Variants in PAPOLB observed in about 807,000 individuals in gnomAD.
The protein encoded by PAPOLB is poly(A) polymerase beta.
Under a neutral mutation model 23.2 loss-of-function variants are expected in PAPOLB, and 19 were observed. The observed-to-expected ratio is 0.82, with a 90% CI of 0.57 to 1.20. PAPOLB has a LOEUF of 1.20. Among genes scored for constraint, PAPOLB ranks in the 50% most tolerant of loss-of-function variants. The probability of loss-of-function intolerance (pLI) is 0.00; values close to 1 mark genes in which losing one functional copy is unlikely to be tolerated. For missense variants in PAPOLB, 822 were observed against 776.8 expected, an observed-to-expected ratio of 1.06 and a Z score of -0.69; for synonymous variants, 360 against 290.7, an observed-to-expected ratio of 1.24 and a Z score of -2.43.
At position 4,861,834 on chromosome 7, in the gene PAPOLB, G is replaced by GCACGTCTCCCACCACCGCGACCTT; in HGVS notation, c.-25_-24insAAGGTCGCGGTGGTGGGAGACGTG. 2 of 1,268,420 alleles carry GCACGTCTCCCACCACCGCGACCTT rather than the reference G, an allele frequency of 1.6e-6. No homozygotes were observed. Among genetic ancestry groups the GCACGTCTCCCACCACCGCGACCTT allele is most frequent in the Non-Finnish European group, 2.1e-6 (2 of 972,360 alleles). The allele number at this position is 1,268,420 out of a possible 1,614,324, so 78.6% of individuals were successfully genotyped here. ...ATCTTTCAGCGCCCGCCCCGCCAGG[G>GCACGTCTCCCACCACCGCGACCTT]CACGTCCCCCACCACCGCGACCTTC... On this transcript the variant is annotated 5_prime_UTR_variant, in exon 1 of 1. Coordinates refer to ENST00000404991, the MANE Select transcript of PAPOLB (RefSeq NM_020144.5).
rs375543559 is a variant in PAPOLB, at chr7:4,861,285, G to A, written c.526C>T (p.Leu176=). Residue 176 remains leucine, a synonymous_variant, in exon 1 of 1, where the codon CTA becomes TTA. Transcript: ENST00000404991. Reference sequence around the variant, plus strand: ...TCCAAATCTTCTGGAATAGTCTGTAGTGCTAATCTTGCAAATAAAATATCA... The same window carrying A: ...TCCAAATCTTCTGGAATAGTCTGTAATGCTAATCTTGCAAATAAAATATCA... The part of the protein sequence containing the change: ...EIDILFARLA[L]QTIPEDLDLR... The A allele has an allele frequency of 1.9e-6, 3 of 1,613,998 alleles. No homozygotes were observed. The African/African-American group carries it at 4.0e-5, about 22-fold the overall frequency.
chr7:4,860,651 T>G lies in PAPOLB; in HGVS notation c.1160A>C (p.Gln387Pro). ...VLLASASTEKQHLEWVGLVES... is the reference protein window; with the variant it reads ...VLLASASTEKPHLEWVGLVES... ...CACCAAGCCCACCCATTCTAAATGT[T>G]GTTTTTCTGTTGATGCACTTGCCAG... Residue 387 changes from glutamine (Q) to proline (P), a missense_variant, in exon 1 of 1, where the codon CAA becomes CCA. Physicochemically the swap from Gln to Pro is moderately conservative, Grantham distance 76 (BLOSUM62 -1). Coordinates refer to ENST00000404991, the MANE Select transcript of PAPOLB (RefSeq NM_020144.5). The G allele has an allele frequency of 6.2e-7, 1 of 1,614,206 alleles. No individual in the cohort carries two copies. Among genetic ancestry groups the G allele is most frequent in the South Asian group, 1.1e-5 (1 of 91,088 alleles).
chr7:4,860,122 C>A lies in PAPOLB; in HGVS notation c.1689G>T (p.Met563Ile). 12 of 1,613,980 alleles carry A rather than the reference C, an allele frequency of 7.4e-6. No homozygotes were observed. The highest frequency in any genetic ancestry group is 1.0e-5 in the Non-Finnish European group (12 of 1,179,840). Residue 563 changes from methionine (M) to isoleucine (I), a missense_variant, in exon 1 of 1, where the codon ATG (methionine) becomes ATT (isoleucine). Met to Ile is a conservative substitution (Grantham distance 10). This residue lies in a region of PAPOLB where 534 missense variants were observed against 502.8 expected (regional missense o/e 1.06). Coordinates refer to ENST00000404991, the MANE Select transcript of PAPOLB (RefSeq NM_020144.5). ...QGRNSPALAV[M>I]TASVANIQAT... is the part of the protein sequence containing the mutation. ...CCTGTATGTTAGCCACAGATGCTGTCATTACAGCCAAGGCAGGACTGTTTC... is the reference window on the plus strand; with the variant it reads ...CCTGTATGTTAGCCACAGATGCTGTAATTACAGCCAAGGCAGGACTGTTTC...
rs1381241960 is a variant in PAPOLB at position 4,860,737 on chromosome 7, C to T, written c.1074G>A (p.Glu358=). 6.2e-7 allele frequency: 1 copy of T among 1,614,026 alleles called. No homozygotes were observed. The highest frequency in any genetic ancestry group is 8.5e-7 in the Non-Finnish European group (1 of 1,179,994). The part of the protein sequence containing the change: ...ITHEILLSKA[E]WSKLFEAPSF... Reference sequence around the variant, plus strand: ...TTGGAGCTTCAAAGAGTTTGGACCACTCTGCCTTACTTAGCAAAATCTCGT... The same window carrying T: ...TTGGAGCTTCAAAGAGTTTGGACCATTCTGCCTTACTTAGCAAAATCTCGT... Residue 358 remains glutamate (E), a synonymous_variant, in exon 1 of 1, where the codon GAG becomes GAA. Coordinates refer to ENST00000404991, the MANE Select transcript of PAPOLB (RefSeq NM_020144.5).
Position 4,860,299 on chromosome 7 carries a change from C to A in PAPOLB, c.1512G>T (p.Gln504His). The part of the protein sequence containing the change: ...LHQLLPHHVL[Q>H]DKKAHSTEGR... ...CTTCTGTTGAGTGTGCTTTCTTGTC[C>A]TGAAGCACATGATGAGGCAGCAGCT... is the stretch of plus-strand genomic sequence containing the variant. Residue 504 changes from glutamine (Q) to histidine (H), a missense_variant, in exon 1 of 1, where the codon CAG becomes CAT. This residue lies in a region of PAPOLB where 534 missense variants were observed against 502.8 expected (regional missense o/e 1.06). Transcript: ENST00000404991. 1 of 1,613,968 alleles carries A rather than the reference C, an allele frequency of 6.2e-7. No homozygotes were observed. The highest frequency in any genetic ancestry group is 8.5e-7 in the Non-Finnish European group (1 of 1,179,878).
chr7:4,860,432 T>A lies in PAPOLB; in HGVS notation c.1379A>T (p.Asp460Val), dbSNP rs748076441. 2 of 1,614,206 alleles carry A rather than the reference T, an allele frequency of 1.2e-6. No individual in the cohort carries two copies. The highest frequency in any genetic ancestry group is 1.1e-5 in the South Asian group (1 of 91,088). The part of the protein sequence containing the change: ...SEILSIDLTY[D>V]IQSFTDTVYR... ...AACAGTATCTGTGAAAGACTGGATATCATAGGTGAGATCAATGCTGAGAAT... is the reference window on the plus strand; with the variant it reads ...AACAGTATCTGTGAAAGACTGGATAACATAGGTGAGATCAATGCTGAGAAT... Residue 460 changes from aspartate to valine, a missense_variant, in exon 1 of 1, where the codon GAT (aspartate) becomes GTT (valine). Physicochemically the swap from Asp to Val is radical, Grantham distance 152. Transcript: ENST00000404991.
rs746563809 is a variant in PAPOLB at position 4,861,504 on chromosome 7, A to T, written c.307T>A (p.Ser103Thr). ...TTCGTATGTACTCCTAATCTGTAAG[A>T]GCCAAACGTAAAAATCTTTCCTCCA... ...NVGGKIFTFG[S>T]YRLGVHTKGA... The change falls in exon 1 of 1, where the codon TCT (serine) becomes ACT (threonine). Residue 103 changes from serine (S) to threonine (T), a missense_variant. Around this residue, in one of 3 missense-constraint regions of PAPOLB, gnomAD observed 276 missense variants for 243.9 expected, o/e 1.13. Coordinates refer to ENST00000404991, the MANE Select transcript of PAPOLB (RefSeq NM_020144.5). 7 of 1,613,952 alleles carry T rather than the reference A, an allele frequency of 4.3e-6. No homozygotes were observed. The highest frequency in any genetic ancestry group is 5.9e-6 in the Non-Finnish European group (7 of 1,179,918).
In PAPOLB at chr7:4,861,961, A is replaced by G. The variant is rs1320428225; in HGVS notation, c.-151T>C. On this transcript the variant is annotated 5_prime_UTR_variant, in exon 1 of 1. It removes the in-frame stop codon of an upstream open reading frame in the 5' UTR. Transcript: ENST00000404991. ...ACTCCCGCTGCGCGCCCGCCGCTTCAGGAGCTTCTCCTCCTTCCCCTCAGC... is the reference window on the plus strand; with the variant it reads ...ACTCCCGCTGCGCGCCCGCCGCTTCGGGAGCTTCTCCTCCTTCCCCTCAGC... 8 of 472,882 alleles carry G rather than the reference A, an allele frequency of 1.7e-5. No homozygotes were observed. The highest frequency in any genetic ancestry group is 2.9e-5 in the Non-Finnish European group (8 of 272,640). 29.3% of individuals were successfully genotyped at this position (472,882 alleles called of 1,614,324 possible). A position where few individuals can be genotyped will look rare whatever the true frequency, so the allele number is the denominator to read the frequency against.
In PAPOLB at chr7:4,861,234, T is replaced by G; in HGVS notation, c.577A>C (p.Asn193His). 6.2e-7 allele frequency: 1 copy of G among 1,614,152 alleles called. No individual in the cohort carries two copies. Among genetic ancestry groups the G allele is most frequent in the Non-Finnish European group, 8.5e-7 (1 of 1,179,978 alleles). ...LDLRDDSLLK[N>H]LDIRCIRSLN... is the part of the protein sequence containing the mutation. Reference sequence around the variant, plus strand: ...CTTCTTATGCATCTAATGTCTAAATTTTTAAGTAGACTGTCATCTCTTAAG... The same window carrying G: ...CTTCTTATGCATCTAATGTCTAAATGTTTAAGTAGACTGTCATCTCTTAAG... Residue 193 changes from asparagine (N) to histidine (H), a missense_variant, in exon 1 of 1, where the codon AAT (asparagine) becomes CAT (histidine). Coordinates refer to ENST00000404991, the MANE Select transcript of PAPOLB (RefSeq NM_020144.5).
At position 4,861,834 on chromosome 7, in the gene PAPOLB, G is replaced by GCATGTCCCCCACCACCGCGACCTT; in HGVS notation, c.-25_-24insAAGGTCGCGGTGGTGGGGGACATG. On this transcript the variant is annotated 5_prime_UTR_variant, in exon 1 of 1. The change creates a new upstream start codon in the 5' untranslated region. Coordinates refer to ENST00000404991, the MANE Select transcript of PAPOLB (RefSeq NM_020144.5). Reference sequence around the variant, plus strand: ...ATCTTTCAGCGCCCGCCCCGCCAGGGCACGTCCCCCACCACCGCGACCTTC... The same window carrying GCATGTCCCCCACCACCGCGACCTT: ...ATCTTTCAGCGCCCGCCCCGCCAGGGCATGTCCCCCACCACCGCGACCTTCACGTCCCCCACCACCGCGACCTTC... The GCATGTCCCCCACCACCGCGACCTT allele has an allele frequency of 3.2e-6, 4 of 1,268,408 alleles. No homozygotes were observed. Among genetic ancestry groups the GCATGTCCCCCACCACCGCGACCTT allele is most frequent in the South Asian group, 2.1e-5 (1 of 46,730 alleles). 78.6% of individuals were successfully genotyped at this position (1,268,408 alleles called of 1,614,324 possible).
rs774929576 is a variant in PAPOLB, at chr7:4,860,913, C to A, written c.898G>T (p.Val300Leu). Residue 300 changes from valine (V) to leucine (L), a missense_variant, in exon 1 of 1, where the codon GTA becomes TTA. Transcript: ENST00000404991. Reference protein sequence around the residue: ...EPEERNLNLPVWDPRVNPSDR... With the variant: ...EPEERNLNLPLWDPRVNPSDR... ...CTGGGATTTACTCTTGGGTCCCATA[C>A]AGGCAAATTAAGATTCCGTTCTTCA... 2.8e-5 allele frequency: 46 copies of A among 1,614,082 alleles called. No homozygotes were observed. Among genetic ancestry groups the A allele is most frequent in the Non-Finnish European group, 3.9e-5 (46 of 1,180,048 alleles).
At position 4,860,870 on chromosome 7, in the gene PAPOLB, A is replaced by C. The variant is rs1235265608; in HGVS notation, c.941T>G (p.Met314Arg). 4 of 1,614,080 alleles carry C rather than the reference A, an allele frequency of 2.5e-6. No homozygotes were observed. In the African/African-American group the frequency reaches 5.3e-5, roughly 22 times the overall value. Reference sequence around the variant, plus strand: ...TGGGTATGCTGGTGTGATGATAGGCATAAGATGGTACCTATCACTGGGATT... The same window carrying C: ...TGGGTATGCTGGTGTGATGATAGGCCTAAGATGGTACCTATCACTGGGATT... ...RVNPSDRYHLMPIITPAYPQQ... is the reference protein window; with the variant it reads ...RVNPSDRYHLRPIITPAYPQQ... The change falls in exon 1 of 1, where the codon ATG (methionine) becomes AGG (arginine). Residue 314 changes from methionine to arginine, a missense_variant. Around this residue, in one of 3 missense-constraint regions of PAPOLB, gnomAD observed 534 missense variants for 502.8 expected, o/e 1.06. Transcript: ENST00000404991.
Position 4,861,466 on chromosome 7 carries a change from A to G in PAPOLB, c.345T>C (p.Ile115=). Reference sequence around the variant, plus strand: ...GACTTGGTGCAACGCACAAGGCGTCAATATCTGCGCCTTTCGTATGTACTC... The same window carrying G: ...GACTTGGTGCAACGCACAAGGCGTCGATATCTGCGCCTTTCGTATGTACTC... ...RLGVHTKGAD[I]DALCVAPSHV... The change falls in exon 1 of 1, where the codon ATT becomes ATC. Residue 115 remains isoleucine, a synonymous_variant. Transcript: ENST00000404991. The G allele has an allele frequency of 6.2e-7, 1 of 1,614,084 alleles. No homozygotes were observed. Among genetic ancestry groups the G allele is most frequent in the Non-Finnish European group, 8.5e-7 (1 of 1,179,922 alleles).
rs561623736 is a variant in PAPOLB at position 4,858,181 on chromosome 7, G to C, written c.*1716C>G. 1.4e-4 allele frequency: 22 copies of C among 152,316 alleles called. No individual in the cohort carries two copies. The highest frequency in any genetic ancestry group is 4.8e-4 in the African/African-American group (20 of 41,570). 9.4% of individuals were successfully genotyped at this position (152,316 alleles called of 1,614,324 possible). On this transcript the variant is annotated 3_prime_UTR_variant, in exon 1 of 1. Transcript: ENST00000404991. ...AAGAAAAGTCTCTACAGCATAAAAG[G>C]ACATGACTATATTCCAACTTTGGAA...
rs528143281 is a variant in PAPOLB, at chr7:4,860,992, G to T, written c.819C>A (p.Phe273Leu). ...NAVASTLVRK[F>L]FLVFSEWEWP... ...ATTCCCATTCTGAAAATACCAAGAA[G>T]AATTTCCGTACAAGAGTTGACGCTA... Residue 273 changes from phenylalanine (F) to leucine (L), a missense_variant, in exon 1 of 1, where the codon TTC becomes TTA. Transcript: ENST00000404991. The T allele has an allele frequency of 3.2e-5, 52 of 1,614,066 alleles. No individual in the cohort carries two copies. Among genetic ancestry groups the T allele is most frequent in the Non-Finnish European group, 4.0e-5 (47 of 1,180,032 alleles).
chr7:4,858,626 T>C lies in PAPOLB; in HGVS notation c.*1271A>G, dbSNP rs1783894266. On this transcript the variant is annotated 3_prime_UTR_variant, in exon 1 of 1. Coordinates refer to ENST00000404991, the MANE Select transcript of PAPOLB (RefSeq NM_020144.5). ...TATGTGTGCAATTGGAAATTAACTT[T>C]CCTATAAGGAGGTATTCTGTGGAAT... 1.3e-5 allele frequency: 2 copies of C among 152,648 alleles called. No homozygotes were observed. The highest frequency in any genetic ancestry group is 4.1e-4 in the South Asian group (2 of 4,838). 9.5% of individuals were successfully genotyped at this position (152,648 alleles called of 1,614,324 possible).
In PAPOLB at chr7:4,861,127, G is replaced by T. The variant is rs376442403; in HGVS notation, c.684C>A (p.Ile228=). ...TATTGTGGCACTTGGCCCACAGTTT[G>T]ATGGCTCTCAGAGTCAGCCTGAAGT... The part of the protein sequence containing the change: ...IDNFRLTLRA[I]KLWAKCHNIY... The change falls in exon 1 of 1, where the codon ATC becomes ATA. Residue 228 remains isoleucine (I), a synonymous_variant. Coordinates refer to ENST00000404991, the MANE Select transcript of PAPOLB (RefSeq NM_020144.5). 5.0e-6 allele frequency: 8 copies of T among 1,614,102 alleles called. No homozygotes were observed. In the African/African-American group the frequency reaches 9.3e-5, roughly 19 times the overall value.
rs771357174 is a variant in PAPOLB at position 4,861,827 on chromosome 7, C to A, written c.-17G>T. 46 of 1,281,856 alleles carry A rather than the reference C, an allele frequency of 3.6e-5. No homozygotes were observed. The highest frequency in any genetic ancestry group is 4.4e-5 in the Non-Finnish European group (45 of 1,011,838). 79.4% of individuals were successfully genotyped at this position (1,281,856 alleles called of 1,614,324 possible). A position where few individuals can be genotyped will look rare whatever the true frequency, so the allele number is the denominator to read the frequency against. ...CGGCATCATCTTTCAGCGCCCGCCC[C>A]GCCAGGGCACGTCCCCCACCACCGC... is the stretch of plus-strand genomic sequence containing the variant. On this transcript the variant is annotated 5_prime_UTR_variant, in exon 1 of 1. Coordinates refer to ENST00000404991, the MANE Select transcript of PAPOLB (RefSeq NM_020144.5).
chr7:4,861,544 A>G lies in PAPOLB; in HGVS notation c.267T>C (p.Ser89=), dbSNP rs762423839. The G allele has an allele frequency of 2.5e-6, 4 of 1,614,086 alleles. No homozygotes were observed. Among genetic ancestry groups the G allele is most frequent in the Admixed American group, 1.7e-5 (1 of 60,024 alleles). Residue 89 remains serine (S), a synonymous_variant, in exon 1 of 1, where the codon TCT becomes TCC. Coordinates refer to ENST00000404991, the MANE Select transcript of PAPOLB (RefSeq NM_020144.5). ...EISESKSLPQ[S]VIENVGGKIF... is the part of the protein sequence containing the mutation. ...TCTTTCCTCCAACGTTTTCAATTAC[A>G]GACTGGGGAAGACTCTTGCTTTCAC... is the stretch of plus-strand genomic sequence containing the variant.
Sources: allele counts gnomAD v4.1 joint callset, GRCh38; gene constraint gnomAD v4.1.1; regional missense constraint gnomAD v4.1.1; transcripts MANE v1.5; gene names NCBI Gene and HGNC (gene_info 2026-07-23, HGNC 2026-07-21).